The following TMEM165 variants were observed in gnomAD, a reference collection of about 807,000 sequenced individuals.
TMEM165 encodes putative divalent cation/proton antiporter TMEM165.
In TMEM165, 19 loss-of-function variants were observed where a neutral mutation model predicts 30.0. That is an observed-to-expected ratio of 0.63 (90% CI 0.44 to 0.93). The LOEUF (loss-of-function observed/expected upper bound fraction) is 0.93, where lower values mean the gene tolerates loss of function less well. TMEM165 is among the 40% of genes least tolerant of loss of function. The pLI is 0.00. For missense variants in TMEM165, 340 were observed against 417.0 expected (o/e 0.82, Z 1.61); for synonymous variants, 168 against 162.9 (o/e 1.03, Z -0.24).
intron 1 of TMEM165, among the ~76,000 whole-genome samples, chr4:55,406,075 C>T (rs997708807): frequency 6.6e-5 from 10 of 152,220 alleles, no homozygotes; most frequent in Non-Finnish European, 1.5e-4. Flanking sequence ...ACTGAAACTT[C>T]CCAGGAGGCT....
At chr4:55,442,228 G>GA (rs1442255106) in intron 3 of TMEM165, 19 of 568,026 alleles carry the variant, frequency 3.3e-5, no homozygotes, top group Non-Finnish European at 5.9e-5. Flanking sequence ...TTTTGGACAA[G>GA]AAAAAAAATT....
intron 1 of TMEM165, among the ~76,000 whole-genome samples, chr4:55,409,646 C>T (rs990871111): frequency 2.6e-5 from 4 of 152,134 alleles, no homozygotes; most frequent in Non-Finnish European, 5.9e-5. Flanking sequence ...TTGATTGTAA[C>T]TAAAAATGTC....
chr4:55,417,729 A>AC, intron 3 of TMEM165, 74 bp from the exon 4 acceptor site: 1 of 1,242,506 alleles, frequency 8.0e-7, no homozygotes, highest in Non-Finnish European at 1.1e-6. Flanking sequence ...AAACACTTAG[A>AC]AAAGTCAAGT....
Position 55,417,097 on chromosome 4 carries a change from C to T in TMEM165, c.459C>T (p.Val153=), listed in dbSNP as rs752426432. The T allele has an allele frequency of 6.2e-7, 1 of 1,601,252 alleles. No homozygotes were observed. ...TTTTGTTTGGCTATGCCACCACAGTCATCCCCAGGGTCTATACATACTATG... is the reference window on the plus strand; with the variant it reads ...TTTTGTTTGGCTATGCCACCACAGTTATCCCCAGGGTCTATACATACTATG... The part of the protein sequence containing the change: ...LSVLFGYATT[V]IPRVYTYYVS... Residue 153 remains valine, a synonymous_variant, in exon 3 of 6, where the codon GTC becomes GTT. Transcript: ENST00000381334.
intron 3 of TMEM165, chr4:55,438,658 G>T: frequency 7.0e-7 from 1 of 1,435,060 alleles, no homozygotes; most frequent in Non-Finnish European, 9.6e-7. Flanking sequence ...TGTTTTTCAA[G>T]GTCTGTATAT....
chr4:55,407,589 C>A (rs1316483414), intron 1 of TMEM165, among the ~76,000 whole-genome samples: 1 of 152,020 alleles, frequency 6.6e-6, no homozygotes, highest in African/African-American at 2.4e-5. Flanking sequence ...TGTGGCCTAC[C>A]TTTGTGGCTG....
intron 3 of TMEM165, among the ~76,000 whole-genome samples, chr4:55,439,647 C>T (rs966693938): frequency 2.0e-5 from 3 of 152,122 alleles, no homozygotes; most frequent in Admixed American, 6.6e-5. Context: ...ATAAGCAAAA[C>T]ATAGTAGAGT....
At chr4:55,400,395 AT>A (rs1720947828) in intron 1 of TMEM165, among the ~76,000 whole-genome samples, 18 of 125,926 alleles carry the variant, frequency 1.4e-4, no homozygotes, top group Non-Finnish European at 2.7e-4. Flanking sequence ...AATAAATAAT[AT>A]TAATATAATT....
At chr4:55,411,447 A>G (rs1447526535) in intron 1 of TMEM165, among the ~76,000 whole-genome samples, 167 bp from the exon 2 acceptor site, 1 of 152,198 alleles carries the variant, frequency 6.6e-6, no homozygotes, top group Non-Finnish European at 1.5e-5. Flanking sequence ...TGTAGCAACC[A>G]TCGTCAGAGG....
At chr4:55,427,013 A>AAGAC (rs1296013188), downstream of TMEM165, among the ~76,000 whole-genome samples, 1 of 150,758 alleles carries the variant, frequency 6.6e-6, no homozygotes, top group African/African-American at 2.4e-5. Context: ...GTTATAAAGA[A>AAGAC]AGAGTGAGGA....
chr4:55,441,989 A>AG (rs1196049063), intron 3 of TMEM165, among the ~76,000 whole-genome samples: 1 of 152,206 alleles, frequency 6.6e-6, no homozygotes, highest in Non-Finnish European at 1.5e-5. Context: ...GGGAAATAAA[A>AG]GGAGGCCCTC....
chr4:55,449,333 T>C, intron 3 of TMEM165: 1 of 1,406,132 alleles, frequency 7.1e-7, no homozygotes, highest in African/African-American at 1.4e-5. Flanking sequence ...TTTCTGAAGA[T>C]TTAGATCATT....
chr4:55,443,593 G>A, intron 3 of TMEM165: 1 of 959,376 alleles, frequency 1.0e-6, no homozygotes, highest in Non-Finnish European at 1.7e-6. Context: ...ATTTTGAAAT[G>A]ATATTTTATC....
At chr4:55,412,029 A>G (rs1721524038) in intron 2 of TMEM165, 190 bp downstream of exon 2, 1 of 636,854 alleles carries the variant, frequency 1.6e-6, no homozygotes, top group Admixed American at 2.9e-5. Flanking sequence ...CCCCTCTCGC[A>G]TAGTTGTCTG....
chr4:55,430,280 T>A (rs918070725), downstream of TMEM165: 1 of 152,192 alleles, frequency 6.6e-6, no homozygotes, highest in Non-Finnish European at 1.5e-5. Context: ...CACTAAATAA[T>A]GTTTCCCTGA....
downstream of TMEM165, among the ~76,000 whole-genome samples, chr4:55,427,179 G>A (rs138583223): frequency 2.6e-4 from 40 of 151,826 alleles, no homozygotes; most frequent in African/African-American, 9.4e-4. Flanking sequence ...GATTACAGGC[G>A]TGCACTACCA....
In TMEM165 at chr4:55,448,936, TATCA is replaced by T. The variant is rs146812658; in HGVS notation, c.409-3300_409-3297del. ...CATACATGAGTACTTCCAGCAGAAATATCAATATGATATTCGTATTAATAAACTT... is the reference window on the plus strand; with the variant it reads ...CATACATGAGTACTTCCAGCAGAAATATATGATATTCGTATTAATAAACTT... On this transcript the variant is annotated intron_variant, in intron 3 of 3. Coordinates refer to the TMEM165 transcript ENST00000608091. 6,994 of 1,191,018 alleles carry T rather than the reference TATCA, an allele frequency of 5.9e-3. 296 individuals carry two copies. In the African/African-American group the frequency reaches 0.094, roughly 16 times the overall value. 73.8% of individuals were successfully genotyped at this position (1,191,018 alleles called of 1,614,324 possible).
At chr4:55,446,612 G>T (rs544308211) in intron 3 of TMEM165, among the ~76,000 whole-genome samples, 1 of 152,296 alleles carries the variant, frequency 6.6e-6, no homozygotes, top group African/African-American at 2.4e-5. Context: ...ACGCATACAT[G>T]AATGAAAATA....
At chr4:55,413,087 C>T (rs1349507966) in intron 2 of TMEM165, among the ~76,000 whole-genome samples, 1 of 149,708 alleles carries the variant, frequency 6.7e-6, no homozygotes, top group East Asian at 2.0e-4. Flanking sequence ...TCAAGTGATC[C>T]TTCCACCTCA....
Sources: gnomAD v4.1 joint callset for allele counts (sites outside exome capture counted in the v4.1 genomes callset) on GRCh38, gnomAD v4.1.1 for gene constraint, MANE v1.5 for transcripts, NCBI Gene and HGNC (gene_info 2026-07-23, HGNC 2026-07-21) for gene names.